ADAMTSL1: variants seen among roughly 807,000 people sequenced by gnomAD.
ADAMTSL1 encodes the protein ADAMTS like 1.
In ADAMTSL1, 126 loss-of-function variants were observed where a neutral mutation model predicts 201.8. The ratio of observed to expected loss-of-function variants is 0.62; its 90% confidence interval spans 0.54 to 0.72. The LOEUF (loss-of-function observed/expected upper bound fraction) is 0.72. Ranked by LOEUF, ADAMTSL1 falls within the 30% of genes least tolerant of loss-of-function variation. The pLI, the probability that ADAMTSL1 is intolerant of heterozygous loss-of-function variation, is 0.00. For synonymous variants in ADAMTSL1, 1,121 were observed against 903.4 expected, an observed-to-expected ratio of 1.24 and a Z score of -4.32; for missense variants, 2,679 against 2,277.8, an observed-to-expected ratio of 1.18 and a Z score of -3.59.
chr9:18,532,130 A>G (rs1014364911), intron 2 of ADAMTSL1, among the ~76,000 whole-genome samples: 2 of 152,212 alleles, frequency 1.3e-5, no homozygotes, highest in Non-Finnish European at 1.5e-5. Flanking sequence ...AATGTGTGAC[A>G]TATTTTGAAA....
rs549928615 is a variant in ADAMTSL1 at position 18,265,331 on chromosome 9, T to G, written c.207+101350T>G. ...AGGTCTTTATTTCAGACTCATCTTCTTGGTGAGGCCCATCACCCCACCCAT... is the reference window on the plus strand; with the variant it reads ...AGGTCTTTATTTCAGACTCATCTTCGTGGTGAGGCCCATCACCCCACCCAT... On this transcript the variant is annotated intron_variant, in intron 2 of 29. Transcript: ENST00000680146. Among the ~76,000 whole-genome samples the G allele has an allele frequency of 2.0e-5, 3 of 152,228 alleles. No individual in the cohort carries two copies. In the East Asian group the frequency reaches 5.8e-4, roughly 29 times the overall value.
chr9:18,477,644 A>AC (rs1443316363), intron 1 of ADAMTSL1, among the ~76,000 whole-genome samples: 5 of 152,200 alleles, frequency 3.3e-5, no homozygotes, highest in Admixed American at 2.6e-4. Flanking sequence ...TTTTTCTCAG[A>AC]CCTAGATTGT....
chr9:18,028,960 T>G (rs1168830684), intron 1 of ADAMTSL1, among the ~76,000 whole-genome samples: 2 of 152,212 alleles, frequency 1.3e-5, no homozygotes, highest in African/African-American at 4.8e-5. Context: ...GTAGTTCTCC[T>G]TGAAGAGGTC....
chr9:18,533,208 C>T (rs1206942733), intron 2 of ADAMTSL1, 39 bp from the exon 3 acceptor site: 7 of 1,562,130 alleles, frequency 4.5e-6, no homozygotes, highest in Non-Finnish European at 6.1e-6. Flanking sequence ...TTGAGCTTTT[C>T]ATAAGTAGTA....
At chr9:18,475,484 T>C (rs191872560) in intron 1 of ADAMTSL1, among the ~76,000 whole-genome samples, 73 of 152,320 alleles carry the variant, frequency 4.8e-4, no homozygotes, top group Non-Finnish European at 8.5e-4. Context: ...ATTTGCATCA[T>C]TGTAGCTAAG....
chr9:18,068,728 A>T (rs1822821944), intron 1 of ADAMTSL1, among the ~76,000 whole-genome samples: 1 of 152,218 alleles, frequency 6.6e-6, no homozygotes, highest in South Asian at 2.1e-4. Context: ...ACAAGTTTTC[A>T]CTGAAAGCAC....
intron 4 of ADAMTSL1, among the ~76,000 whole-genome samples, chr9:18,577,547 G>C (rs920086486): frequency 1.3e-5 from 2 of 152,066 alleles, no homozygotes; most frequent in Non-Finnish European, 2.9e-5. Context: ...GTGTAATCTT[G>C]GTCAAGATAC....
chr9:18,739,159 C>A (rs1444076939), intron 15 of ADAMTSL1, among the ~76,000 whole-genome samples: 2 of 152,194 alleles, frequency 1.3e-5, no homozygotes, highest in African/African-American at 4.8e-5. Context: ...CAGTACCCAG[C>A]ACATAGCAAG....
chr9:18,003,035 G>C (rs1240042408), intron 1 of ADAMTSL1, among the ~76,000 whole-genome samples: 2 of 151,966 alleles, frequency 1.3e-5, no homozygotes, highest in Non-Finnish European at 2.9e-5. Flanking sequence ...TGAGCTTCCA[G>C]GCCCATCCTG....
chr9:18,074,506 CTTTTCTTCTTTTCTT>C (rs1407206157), intron 1 of ADAMTSL1, among the ~76,000 whole-genome samples: 2 of 68,300 alleles, frequency 2.9e-5, no homozygotes, highest in Admixed American at 1.3e-4. Flanking sequence ...CTTTTCTTTT[CTTTTCTTCTTTTCTT>C]TTCTTTTCTT....
At chr9:18,145,541 G>T (rs1329289259) in intron 1 of ADAMTSL1, among the ~76,000 whole-genome samples, 1 of 152,094 alleles carries the variant, frequency 6.6e-6, no homozygotes, top group African/African-American at 2.4e-5. Flanking sequence ...GGAAAAATTG[G>T]ATATTCGAAA....
chr9:18,416,193 G>A (rs987965602), intron 2 of ADAMTSL1, among the ~76,000 whole-genome samples: 3 of 151,942 alleles, frequency 2.0e-5, no homozygotes, highest in Admixed American at 1.3e-4. Context: ...AATGATAATC[G>A]ACATTTAAAC....
intron 2 of ADAMTSL1, among the ~76,000 whole-genome samples, chr9:18,427,380 G>A (rs910390743): frequency 6.6e-6 from 1 of 152,184 alleles, no homozygotes; most frequent in East Asian, 1.9e-4. Flanking sequence ...GCCACTTGAT[G>A]GGTAGAAAAA....
intron 2 of ADAMTSL1, among the ~76,000 whole-genome samples, chr9:18,291,747 TCACACACACACACA>T (rs368988848): frequency 2.0e-5 from 2 of 99,806 alleles, no homozygotes; most frequent in Non-Finnish European, 4.0e-5. Flanking sequence ...TCTCTCTCTC[TCACACACACACACA>T]CACACACACA....
chr9:18,084,487 A>G (rs1239935048), intron 1 of ADAMTSL1, among the ~76,000 whole-genome samples: 2 of 151,820 alleles, frequency 1.3e-5, no homozygotes, highest in Non-Finnish European at 2.9e-5. Context: ...ACACTACTGC[A>G]TTCCAACCTG....
intron 1 of ADAMTSL1, among the ~76,000 whole-genome samples, chr9:18,156,503 T>C (rs1269108327): frequency 6.6e-6 from 1 of 152,064 alleles, no homozygotes; most frequent in Non-Finnish European, 1.5e-5. Context: ...CATGTGTATG[T>C]AGACATTTTT....
chr9:18,286,205 A>C (rs566190949), intron 2 of ADAMTSL1, among the ~76,000 whole-genome samples: 2 of 152,316 alleles, frequency 1.3e-5, no homozygotes, highest in Admixed American at 6.5e-5. Flanking sequence ...ATTTGGAGGG[A>C]AATTGTTTAA....
intron 1 of ADAMTSL1, among the ~76,000 whole-genome samples, chr9:17,913,738 T>C (rs1825979032): frequency 6.6e-6 from 1 of 151,936 alleles, no homozygotes; most frequent in Admixed American, 6.6e-5. Flanking sequence ...CAGGAGCTGG[T>C]TTTTTGAACG....
chr9:18,211,575 CA>C (rs1829871749), intron 2 of ADAMTSL1, among the ~76,000 whole-genome samples: 1 of 152,176 alleles, frequency 6.6e-6, no homozygotes. Context: ...GCTGACAGAC[CA>C]CATGTCCCCA....
Sources: allele counts gnomAD v4.1 joint callset (sites outside exome capture counted in the v4.1 genomes callset), GRCh38; gene constraint gnomAD v4.1.1; transcripts MANE v1.5; gene names NCBI Gene and HGNC (gene_info 2026-07-23, HGNC 2026-07-21).